TMEM260: variants seen among roughly 807,000 people sequenced by gnomAD.
TMEM260 encodes transmembrane protein 260.
Under a neutral mutation model 88.9 loss-of-function variants are expected in TMEM260, and 82 were observed. The observed-to-expected ratio is 0.92, with a 90% confidence interval of 0.77 to 1.11. The LOEUF (loss-of-function observed/expected upper bound fraction) is 1.11. TMEM260 is among the 50% of genes least tolerant of loss of function. TMEM260 has a pLI of 0.00. For synonymous variants in TMEM260, 314 were observed against 309.3 expected (o/e 1.02, Z -0.16); for missense variants, 902 against 853.4 (o/e 1.06, Z -0.71).
intron 1 of TMEM260, among the ~76,000 whole-genome samples, chr14:56,583,634 T>C (rs1237525368): frequency 6.6e-6 from 1 of 152,000 alleles, no homozygotes; most frequent in African/African-American, 2.4e-5. Context: ...GCAGGTTCTA[T>C]GGAGGAGGAA....
intron 3 of TMEM260, among the ~76,000 whole-genome samples, chr14:56,596,409 T>TG (rs1886221525): frequency 8.1e-6 from 1 of 123,390 alleles, no homozygotes; most frequent in African/African-American, 3.3e-5. Flanking sequence ...TGTGTGTGTA[T>TG]ATATATATAT....
chr14:56,580,112 C>A (rs1481627306), intron 1 of TMEM260, 38 bp downstream of exon 1: 2 of 1,246,060 alleles, frequency 1.6e-6, no homozygotes, highest in Admixed American at 4.2e-5. Flanking sequence ...TGTCCCTCTC[C>A]CCTGGTCCCA....
chr14:56,633,680 G>A lies in TMEM260; in HGVS notation c.1724+509G>A, dbSNP rs571175887. 3.3e-5 allele frequency among the ~76,000 whole-genome samples: 5 copies of A among 152,164 alleles called. No individual in the cohort carries two copies. The South Asian group carries it at 1.0e-3, about 32-fold the overall frequency. ...GCATCAATCTGGTTATGTTGTTGGGGCATTACTGGCCTTCCATTAAGCATT... is the reference window on the plus strand; with the variant it reads ...GCATCAATCTGGTTATGTTGTTGGGACATTACTGGCCTTCCATTAAGCATT... On this transcript the variant is annotated intron_variant, in intron 13 of 15. Coordinates refer to ENST00000261556, the MANE Select transcript of TMEM260 (RefSeq NM_017799.4).
intron 12 of TMEM260, among the ~76,000 whole-genome samples, chr14:56,626,057 A>C (rs1888227287): frequency 6.6e-6 from 1 of 152,212 alleles, no homozygotes; most frequent in African/African-American, 2.4e-5. Flanking sequence ...TTAGGTCAAG[A>C]ATAAATAATT....
rs200844037 is a variant in TMEM260, at chr14:56,607,313, G to A, written c.636+1630G>A. 2.0e-5 allele frequency among the ~76,000 whole-genome samples: 3 copies of A among 152,250 alleles called. No individual in the cohort carries two copies. In the East Asian group the frequency reaches 5.8e-4, roughly 29 times the overall value. ...TTCATGTTAATTGATTGAAAGGAGA[G>A]GCATATACTTTCTGTAAAACATGGA... is the stretch of plus-strand genomic sequence containing the variant. On this transcript the variant is annotated intron_variant, in intron 5 of 15. Coordinates refer to ENST00000261556, the MANE Select transcript of TMEM260 (RefSeq NM_017799.4).
chr14:56,638,362 C>T (rs1404328701), intron 15 of TMEM260: 1 of 152,028 alleles, frequency 6.6e-6, no homozygotes, highest in Non-Finnish European at 1.5e-5. Flanking sequence ...AAAAGATCTC[C>T]TTTCACATAA....
Position 56,647,337 on chromosome 14 carries a change from C to G in TMEM260, c.1964C>G (p.Ala655Gly). Residue 655 changes from alanine to glycine, a missense_variant, in exon 16 of 16, where the codon GCA becomes GGA. Physicochemically the swap from Ala to Gly is moderately conservative, Grantham distance 60. Transcript: ENST00000261556. ...IACERMLRLQ[A>G]RDADPEVLLS... ...TGTGAGCGGATGCTGCGTCTTCAGG[C>G]AAGAGATGCAGATCCTGAAGTGCTG... 1 of 1,614,176 alleles carries G rather than the reference C, an allele frequency of 6.2e-7. No homozygotes were observed.
intron 14 of TMEM260, among the ~76,000 whole-genome samples, chr14:56,635,727 C>G (rs548848640): frequency 6.6e-6 from 1 of 152,026 alleles, no homozygotes; most frequent in African/African-American, 2.4e-5. Context: ...GTATTGATGT[C>G]CAGTCTGAGC....
chr14:56,625,627 T>G, intron 12 of TMEM260, 97 bp downstream of exon 12: 1 of 871,442 alleles, frequency 1.1e-6, no homozygotes, highest in Non-Finnish European at 1.7e-6. Flanking sequence ...ACCAATTTTC[T>G]CTGCCTATTT....
At chr14:56,662,229 A>G in the TMEM260 span, among the ~76,000 whole-genome samples, 1 of 152,226 alleles carries the variant, frequency 6.6e-6, no homozygotes, top group Non-Finnish European at 1.5e-5. Flanking sequence ...TAATATTGCA[A>G]ACAACTACTC....
intron 15 of TMEM260, among the ~76,000 whole-genome samples, chr14:56,646,474 A>G (rs1889974090): frequency 6.6e-6 from 1 of 151,858 alleles, no homozygotes. Context: ...TCCATTTTGC[A>G]GATTTGTGTC....
chr14:56,629,759 T>C (rs920548962), intron 12 of TMEM260, among the ~76,000 whole-genome samples: 1 of 152,168 alleles, frequency 6.6e-6, no homozygotes. Context: ...TACTTTAGGC[T>C]GGGCACAGTG....
intron 3 of TMEM260, among the ~76,000 whole-genome samples, chr14:56,587,184 T>C (rs549060690): frequency 1.3e-5 from 2 of 151,866 alleles, no homozygotes; most frequent in South Asian, 4.1e-4. Flanking sequence ...GAGTATATTA[T>C]TAATTTTCAC....
At chr14:56,593,508 T>C (rs1885995127) in intron 3 of TMEM260, among the ~76,000 whole-genome samples, 1 of 151,848 alleles carries the variant, frequency 6.6e-6, no homozygotes, top group Non-Finnish European at 1.5e-5. Flanking sequence ...TTATATAAAG[T>C]ATAAAATTAT....
the TMEM260 span, among the ~76,000 whole-genome samples, chr14:56,660,128 T>C: frequency 1.3e-5 from 2 of 152,238 alleles, no homozygotes; most frequent in African/African-American, 4.8e-5. Flanking sequence ...ACTTGCCTTG[T>C]GTACTCTATC....
intron 3 of TMEM260, among the ~76,000 whole-genome samples, chr14:56,595,032 C>A (rs1886119803): frequency 6.6e-6 from 1 of 152,128 alleles, no homozygotes; most frequent in Non-Finnish European, 1.5e-5. Context: ...TGGCCAGGAT[C>A]ATAAGATAAT....
At chr14:56,591,233 A>G (rs1026853284) in intron 3 of TMEM260, among the ~76,000 whole-genome samples, 7 of 152,208 alleles carry the variant, frequency 4.6e-5, no homozygotes, top group African/African-American at 1.7e-4. Flanking sequence ...TACAAATAAA[A>G]TTATAGATCA....
chr14:56,612,559 G>A (rs566418434), intron 7 of TMEM260: 1 of 420,730 alleles, frequency 2.4e-6, no homozygotes, highest in East Asian at 4.3e-5. Context: ...ACATCCTCTT[G>A]TATACTTTTA....
At chr14:56,652,870 G>T (rs750804558), downstream of TMEM260, among the ~76,000 whole-genome samples, 2 of 152,140 alleles carry the variant, frequency 1.3e-5, no homozygotes, top group Non-Finnish European at 2.9e-5. Context: ...CTATGCAGTC[G>T]CCTGTATCCA....
Sources: allele counts gnomAD v4.1 joint callset (sites outside exome capture counted in the v4.1 genomes callset), GRCh38; gene constraint gnomAD v4.1.1; transcripts MANE v1.5; gene names NCBI Gene and HGNC (gene_info 2026-07-23, HGNC 2026-07-21).